The following PCDH11Y variants were observed in gnomAD, a reference collection of about 807,000 sequenced individuals.
PCDH11Y encodes the protein protocadherin-11 Y-linked.
For missense variants in PCDH11Y, 12 were observed against 224.8 expected (o/e 0.05, Z 6.05); for synonymous variants, 9 against 83.6 (o/e 0.11, Z 4.87).
intron 2 of PCDH11Y, among the ~76,000 whole-genome samples, chrY:5,316,317 T>C: frequency 9.1e-5 from 3 of 33,086 alleles, no homozygotes; most frequent in Non-Finnish European, 2.2e-4. Context: ...AGGAAATGCT[T>C]AGGTTAAGAT....
At chrY:5,305,793 G>T (rs2053089845) in intron 2 of PCDH11Y, among the ~76,000 whole-genome samples, 3 of 32,314 alleles carry the variant, frequency 9.3e-5, no homozygotes, top group Admixed American at 8.7e-4. Context: ...TTGCAAAAAT[G>T]ATATTAGTAA....
intron 1 of PCDH11Y, among the ~76,000 whole-genome samples, chrY:5,008,975 G>A (rs2563532): frequency 3.0e-5 from 1 of 33,237 alleles, no homozygotes; most frequent in Non-Finnish European, 7.4e-5. Flanking sequence ...GGAAGGGACC[G>A]GAAAGATAAT....
chrY:5,008,771 G>A (rs2124617734), intron 1 of PCDH11Y, among the ~76,000 whole-genome samples: 13 of 31,061 alleles, frequency 4.2e-4, no homozygotes, highest in Admixed American at 3.9e-3. Context: ...TACTTTAAAT[G>A]TTAAGGGTGG....
At chrY:5,179,264 T>G in intron 2 of PCDH11Y, among the ~76,000 whole-genome samples, 6 of 33,270 alleles carry the variant, frequency 1.8e-4, no homozygotes, top group Admixed American at 5.5e-4. Context: ...AGCATTCCTT[T>G]TTCTCCACAA....
intron 4 of PCDH11Y, among the ~76,000 whole-genome samples, chrY:5,595,828 T>G: frequency 3.1e-5 from 1 of 32,176 alleles, no homozygotes; most frequent in Non-Finnish European, 7.6e-5. Context: ...TTAACTTGCA[T>G]TTTTTTAGCA....
At chrY:5,028,393 G>C (rs1338847109) in intron 1 of PCDH11Y, among the ~76,000 whole-genome samples, 44 of 33,898 alleles carry the variant, frequency 1.3e-3, no homozygotes, top group Non-Finnish European at 1.7e-3. Flanking sequence ...ATCAGGGAAA[G>C]GCGGTGAAAT....
chrY:5,180,063 C>G, intron 2 of PCDH11Y, among the ~76,000 whole-genome samples: 1 of 31,912 alleles, frequency 3.1e-5, no homozygotes, highest in Non-Finnish European at 7.6e-5. Flanking sequence ...CATGATGCCT[C>G]CAGCTTTTTG....
At chrY:5,132,263 CT>C (rs2052835126) in intron 2 of PCDH11Y, among the ~76,000 whole-genome samples, 3 of 28,337 alleles carry the variant, frequency 1.1e-4, no homozygotes, top group African/African-American at 4.2e-4. Context: ...TAATAAGCAT[CT>C]TAGCCTTTCT....
intron 4 of PCDH11Y, among the ~76,000 whole-genome samples, chrY:5,704,280 C>T (rs2053580832): frequency 3.1e-5 from 1 of 32,264 alleles, no homozygotes; most frequent in African/African-American, 1.2e-4. Context: ...AAGGATTCAT[C>T]CCCGTAATCC....
chrY:5,565,761 C>T, intron 3 of PCDH11Y, among the ~76,000 whole-genome samples: 2 of 29,616 alleles, frequency 6.8e-5, no homozygotes, highest in South Asian at 1.5e-3. Context: ...TCACTAACAT[C>T]TACAGCAAAA....
At chrY:5,185,125 G>A in intron 2 of PCDH11Y, among the ~76,000 whole-genome samples, 1 of 32,115 alleles carries the variant, frequency 3.1e-5, no homozygotes, top group Non-Finnish European at 7.6e-5. Flanking sequence ...TGTCTCCTAC[G>A]CTGGAGTGCA....
chrY:5,359,641 A>T, intron 2 of PCDH11Y, among the ~76,000 whole-genome samples: 1 of 31,272 alleles, frequency 3.2e-5, no homozygotes, highest in Non-Finnish European at 7.7e-5. Flanking sequence ...CTATTTCTAG[A>T]TATTACAAAT....
At chrY:5,384,990 C>G (rs369206163) in intron 2 of PCDH11Y, among the ~76,000 whole-genome samples, 2 of 30,749 alleles carry the variant, frequency 6.5e-5, no homozygotes, top group Non-Finnish European at 1.5e-4. Context: ...TTGGTTTGCT[C>G]TACTGGGGCC....
intron 2 of PCDH11Y, among the ~76,000 whole-genome samples, chrY:5,225,582 T>C: frequency 4.5e-5 from 1 of 22,078 alleles, no homozygotes; most frequent in South Asian, 1.2e-3. Context: ...GCAATAAACA[T>C]ACGAGTGCAG....
intron 2 of PCDH11Y, among the ~76,000 whole-genome samples, chrY:5,421,047 AAT>A: frequency 5.7e-5 from 1 of 17,495 alleles, no homozygotes; most frequent in East Asian, 3.2e-3. Context: ...CTCTACTAAA[AAT>A]ACACACACAC....
At chrY:5,164,454 G>A in intron 2 of PCDH11Y, among the ~76,000 whole-genome samples, 3 of 32,573 alleles carry the variant, frequency 9.2e-5, no homozygotes, top group Non-Finnish European at 1.5e-4. Context: ...TGAAAAAGTT[G>A]TATCTAAAAA....
intron 2 of PCDH11Y, among the ~76,000 whole-genome samples, chrY:5,452,321 A>G: frequency 5.9e-5 from 2 of 33,881 alleles, no homozygotes; most frequent in Non-Finnish European, 1.5e-4. Flanking sequence ...GAAGATTCTT[A>G]TTCAAATAAC....
intron 2 of PCDH11Y, among the ~76,000 whole-genome samples, chrY:5,214,248 T>C (rs2052943292): frequency 2.9e-5 from 1 of 34,003 alleles, no homozygotes. Flanking sequence ...AATGGTTGTA[T>C]ATCTAATCAA....
chrY:5,270,192 A>G, intron 2 of PCDH11Y, among the ~76,000 whole-genome samples: 3 of 26,460 alleles, frequency 1.1e-4, no homozygotes, highest in African/African-American at 4.4e-4. Flanking sequence ...GACATTTACA[A>G]TTTTGGGGAT....
Sources: gnomAD v4.1 joint callset for allele counts (sites outside exome capture counted in the v4.1 genomes callset) on GRCh38, gnomAD v4.1.1 for gene constraint, MANE v1.5 for transcripts, NCBI Gene and HGNC (gene_info 2026-07-23, HGNC 2026-07-21) for gene names.